B3GALT1: variants seen among roughly 807,000 people sequenced by gnomAD.
B3GALT1 encodes the protein UDP-Gal:betaGlcNAc beta 1,3-galactosyltransferase, polypeptide 1.
B3GALT1 carries 10 observed loss-of-function variants against 23.2 expected under a neutral mutation model. The observed-to-expected ratio is 0.43, with a 90% CI of 0.27 to 0.73. B3GALT1 has a LOEUF of 0.73. B3GALT1 is among the 30% of genes least tolerant of loss of function. The probability of loss-of-function intolerance (pLI) is 0.21; values close to 1 mark genes in which losing one functional copy is unlikely to be tolerated. For missense variants in B3GALT1, 299 were observed against 405.4 expected, an observed-to-expected ratio of 0.74 and a Z score of 2.25; for synonymous variants, 156 against 141.5, an observed-to-expected ratio of 1.10 and a Z score of -0.73.
At chr2:167,354,633 C>A (rs1233647653) in intron 1 of B3GALT1, among the ~76,000 whole-genome samples, 1 of 152,200 alleles carries the variant, frequency 6.6e-6, no homozygotes, top group Non-Finnish European at 1.5e-5. Flanking sequence ...GCGTGAGCCA[C>A]TTTGCCCGGC....
chr2:167,668,796 C>T (rs1162565803), intron 3 of B3GALT1, among the ~76,000 whole-genome samples: 1 of 152,228 alleles, frequency 6.6e-6, no homozygotes, highest in Non-Finnish European at 1.5e-5. Flanking sequence ...AATGCCTCGC[C>T]CTGCTTCGGC....
intron 2 of B3GALT1, among the ~76,000 whole-genome samples, chr2:167,494,304 A>G (rs1480644727): frequency 6.6e-6 from 1 of 151,910 alleles, no homozygotes; most frequent in Admixed American, 6.6e-5. Flanking sequence ...TATAAAAGAT[A>G]TCAGTTATGG....
chr2:167,688,359 C>G (rs904300387), intron 3 of B3GALT1, among the ~76,000 whole-genome samples: 4 of 152,058 alleles, frequency 2.6e-5, no homozygotes, highest in Non-Finnish European at 5.9e-5. Context: ...TTTAAAGCAG[C>G]TGTCATAAAA....
chr2:167,783,705 G>C (rs1416579995), intron 3 of B3GALT1, among the ~76,000 whole-genome samples: 1 of 152,186 alleles, frequency 6.6e-6, no homozygotes, highest in African/African-American at 2.4e-5. Flanking sequence ...TGACTCGGCA[G>C]GGGGCAGGGG....
At chr2:167,584,505 C>A (rs1684552324) in intron 2 of B3GALT1, among the ~76,000 whole-genome samples, 1 of 152,194 alleles carries the variant, frequency 6.6e-6, no homozygotes, top group Admixed American at 6.5e-5. Flanking sequence ...AGTTTCACAG[C>A]AGATACCAGC....
At chr2:167,728,698 G>A (rs907880652) in intron 3 of B3GALT1, among the ~76,000 whole-genome samples, 1 of 151,944 alleles carries the variant, frequency 6.6e-6, no homozygotes, top group African/African-American at 2.4e-5. Context: ...AAGATTATGT[G>A]GTATTTCCAT....
chr2:167,589,771 A>G (rs1684643725), intron 2 of B3GALT1, among the ~76,000 whole-genome samples: 3 of 152,122 alleles, frequency 2.0e-5, no homozygotes, highest in African/African-American at 7.2e-5. Flanking sequence ...TATAGATATA[A>G]TAAAACATTG....
At position 167,872,693 on chromosome 2, in the gene B3GALT1, A is replaced by G. The variant is rs947874960; in HGVS notation, c.*2673A>G. On this transcript the variant is annotated 3_prime_UTR_variant, in exon 5 of 5. Coordinates refer to ENST00000392690, the MANE Select transcript of B3GALT1 (RefSeq NM_020981.4). ...CGTTTTATATGTGTGTGCATACATT[A>G]TGATACAGCCCTGATCTTTAAAAGG... is the stretch of plus-strand genomic sequence containing the variant. 1 of 151,766 alleles carries G rather than the reference A, an allele frequency of 6.6e-6. No homozygotes were observed. The highest frequency in any genetic ancestry group is 2.4e-5 in the African/African-American group (1 of 41,052). The allele number at this position is 151,766 out of a possible 1,614,324, so 9.4% of individuals were successfully genotyped here.
Position 167,489,969 on chromosome 2 carries a change from G to A in B3GALT1, c.-510-208G>A, listed in dbSNP as rs944952053. ...CAGATGTCTTTGAATAAACGGATAA[G>A]GAGGAGATTATAATGATATAAAGGG... On this transcript the variant is annotated intron_variant, in intron 1 of 4. Coordinates refer to ENST00000392690, the MANE Select transcript of B3GALT1 (RefSeq NM_020981.4). Among the ~76,000 whole-genome samples the A allele has an allele frequency of 2.0e-5, 3 of 152,080 alleles. No individual in the cohort carries two copies. The East Asian group carries it at 5.8e-4, about 29-fold the overall frequency.
chr2:167,603,964 A>C (rs1449042645), intron 2 of B3GALT1, among the ~76,000 whole-genome samples: 2 of 152,156 alleles, frequency 1.3e-5, no homozygotes, highest in Admixed American at 6.5e-5. Flanking sequence ...CTGTGGCTTA[A>C]TTGAGTTATC....
At chr2:167,677,471 T>C (rs187415897) in intron 3 of B3GALT1, among the ~76,000 whole-genome samples, 1 of 152,356 alleles carries the variant, frequency 6.6e-6, no homozygotes, top group Non-Finnish European at 1.5e-5. Context: ...TCACAGTGGC[T>C]AAAGCAATTC....
rs144458722 is a variant in B3GALT1 at position 167,463,628 on chromosome 2, G to A, written c.-510-26549G>A. 3.1e-3 allele frequency among the ~76,000 whole-genome samples: 465 copies of A among 152,208 alleles called. 3 individuals are homozygous for A. Among genetic ancestry groups the A allele is most frequent in the African/African-American group, 0.01 (430 of 41,528 alleles). ...TAAAGCAATAGCACATGTTTCAGAT[G>A]TCTGCCAACAAAAGTCCCAACTTTG... is the stretch of plus-strand genomic sequence containing the variant. On this transcript the variant is annotated intron_variant, in intron 1 of 4. Coordinates refer to ENST00000392690, the MANE Select transcript of B3GALT1 (RefSeq NM_020981.4).
chr2:167,745,533 T>G (rs1687639838), intron 3 of B3GALT1, among the ~76,000 whole-genome samples: 1 of 152,178 alleles, frequency 6.6e-6, no homozygotes. Flanking sequence ...ATGCCTCTAT[T>G]TTATCCTCAT....
intron 4 of B3GALT1, among the ~76,000 whole-genome samples, chr2:167,854,069 G>C (rs1409750120): frequency 6.6e-6 from 1 of 152,170 alleles, no homozygotes; most frequent in Non-Finnish European, 1.5e-5. Context: ...AGTAGGGATT[G>C]ATTTATTTAG....
chr2:167,428,462 G>GTCAAGAGTTTGAGA lies in B3GALT1; in HGVS notation c.-510-61711_-510-61698dup, dbSNP rs568088708. Among the ~76,000 whole-genome samples, 519 of 152,178 alleles carry GTCAAGAGTTTGAGA rather than the reference G, an allele frequency of 3.4e-3. 2 individuals carry two copies. Among genetic ancestry groups the GTCAAGAGTTTGAGA allele is most frequent in the African/African-American group, 0.012 (499 of 41,524 alleles). On this transcript the variant is annotated intron_variant, in intron 1 of 4. Transcript: ENST00000392690. ...GGCTGAGGTGAGAGGATCACTTGAG[G>GTCAAGAGTTTGAGA]TCAAGAGTTTGAGATCAGCCTGGCC...
At chr2:167,708,658 T>C (rs576873764) in intron 3 of B3GALT1, among the ~76,000 whole-genome samples, 6 of 152,114 alleles carry the variant, frequency 3.9e-5, no homozygotes, top group African/African-American at 1.4e-4. Flanking sequence ...CGAGACTCCA[T>C]CTCAAAAAAA....
At chr2:167,803,635 C>T (rs558269716) in intron 3 of B3GALT1, among the ~76,000 whole-genome samples, 1 of 152,270 alleles carries the variant, frequency 6.6e-6, no homozygotes, top group South Asian at 2.1e-4. Context: ...TGTAGCAGCT[C>T]ACCCATCCCT....
chr2:167,613,748 A>G (rs1452837559), intron 2 of B3GALT1, among the ~76,000 whole-genome samples: 1 of 151,788 alleles, frequency 6.6e-6, no homozygotes, highest in African/African-American at 2.4e-5. Context: ...TCTATACTCT[A>G]TATTTTATTT....
Position 167,873,580 on chromosome 2 carries a change from T to G in B3GALT1, c.*3560T>G, listed in dbSNP as rs1399886323. The G allele has an allele frequency of 6.6e-6, 1 of 152,220 alleles. No homozygotes were observed. Among genetic ancestry groups the G allele is most frequent in the Non-Finnish European group, 1.5e-5 (1 of 68,044 alleles). The allele number at this position is 152,220 out of a possible 1,614,324, so 9.4% of individuals were successfully genotyped here. On this transcript the variant is annotated 3_prime_UTR_variant, in exon 5 of 5. Coordinates refer to ENST00000392690, the MANE Select transcript of B3GALT1 (RefSeq NM_020981.4). ...TTTAGTGGGAGAATTGATTATGTCATTTCTTCTGTAAAGGTGAAAATCGTT... is the reference window on the plus strand; with the variant it reads ...TTTAGTGGGAGAATTGATTATGTCAGTTCTTCTGTAAAGGTGAAAATCGTT...
Sources: gnomAD v4.1 joint callset for allele counts (sites outside exome capture counted in the v4.1 genomes callset) on GRCh38, gnomAD v4.1.1 for gene constraint, MANE v1.5 for transcripts, NCBI Gene and HGNC (gene_info 2026-07-23, HGNC 2026-07-21) for gene names.